Variants in LSAMP observed in about 807,000 individuals in gnomAD.
The protein encoded by LSAMP is limbic system-associated membrane protein.
Under a neutral mutation model 38.6 loss-of-function variants are expected in LSAMP, and 7 were observed. The observed-to-expected ratio is 0.18, with a 90% CI of 0.10 to 0.34. The LOEUF (loss-of-function observed/expected upper bound fraction) is 0.34. LSAMP is among the 10% of genes least tolerant of loss of function. The pLI is 1.00. For missense variants in LSAMP, 313 were observed against 420.0 expected (o/e 0.75, Z 2.23); for synonymous variants, 154 against 166.8 (o/e 0.92, Z 0.59).
intron 6 of LSAMP, among the ~76,000 whole-genome samples, chr3:115,814,498 G>T (rs1220095067): frequency 6.6e-6 from 1 of 152,170 alleles, no homozygotes; most frequent in Non-Finnish European, 1.5e-5. Context: ...AAAGGACCAG[G>T]TGATTTTTCA....
chr3:116,149,684 G>A (rs1461112), intron 1 of LSAMP, among the ~76,000 whole-genome samples: 37,078 of 151,828 alleles, frequency 0.24, 4,574 homozygotes, highest in Admixed American at 0.28. Context: ...ATTACAGACA[G>A]CATTCAATGG....
chr3:115,824,696 C>A (rs1372274893), intron 6 of LSAMP, among the ~76,000 whole-genome samples: 2 of 142,776 alleles, frequency 1.4e-5, no homozygotes, highest in Non-Finnish European at 3.0e-5. Flanking sequence ...GGTGACAGGG[C>A]GAGACTCCGT....
intron 1 of LSAMP, among the ~76,000 whole-genome samples, chr3:116,157,917 G>A (rs1407923171): frequency 6.6e-6 from 1 of 152,024 alleles, no homozygotes; most frequent in African/African-American, 2.4e-5. Context: ...GAAAACTTCA[G>A]GTCAATATTC....
chr3:116,028,358 T>G (rs1373991890), intron 2 of LSAMP, among the ~76,000 whole-genome samples: 1 of 152,150 alleles, frequency 6.6e-6, no homozygotes, highest in Non-Finnish European at 1.5e-5. Flanking sequence ...CACAGTGTAC[T>G]AGATTGAGAG....
intron 3 of LSAMP, among the ~76,000 whole-genome samples, chr3:115,997,744 A>G (rs1490058683): frequency 2.9e-5 from 4 of 138,718 alleles, no homozygotes; most frequent in Admixed American, 2.2e-4. Context: ...ATATATATAT[A>G]TATATATATA....
chr3:116,286,089 C>CTA (rs1553721216), intron 1 of LSAMP, among the ~76,000 whole-genome samples: 1 of 152,174 alleles, frequency 6.6e-6, no homozygotes, highest in Non-Finnish European at 1.5e-5. Flanking sequence ...CCTGGACTAA[C>CTA]TAACTTTGAA....
intron 2 of LSAMP, among the ~76,000 whole-genome samples, chr3:116,071,013 C>T (rs994100573): frequency 1.3e-5 from 2 of 151,258 alleles, no homozygotes; most frequent in Non-Finnish European, 2.9e-5. Context: ...GCACTCCAGC[C>T]TGGGCAACAA....
intron 1 of LSAMP, among the ~76,000 whole-genome samples, chr3:116,293,406 CT>C (rs35842496): frequency 3.3e-5 from 5 of 151,956 alleles, no homozygotes; most frequent in African/African-American, 1.2e-4. Flanking sequence ...TCATTAAATA[CT>C]TTTTTTTAAA....
chr3:116,139,909 G>C (rs1035095161), intron 1 of LSAMP, among the ~76,000 whole-genome samples: 1 of 151,954 alleles, frequency 6.6e-6, no homozygotes, highest in Non-Finnish European at 1.5e-5. Flanking sequence ...GGTTCTTGTA[G>C]AATTTATGGC....
chr3:116,052,570 T>C (rs1941415746), intron 2 of LSAMP, among the ~76,000 whole-genome samples: 1 of 152,156 alleles, frequency 6.6e-6, no homozygotes, highest in South Asian at 2.1e-4. Flanking sequence ...GTAAGCACCG[T>C]CCCCGTGAGG....
At chr3:116,151,466 G>A (rs925869611) in intron 1 of LSAMP, among the ~76,000 whole-genome samples, 5 of 152,038 alleles carry the variant, frequency 3.3e-5, no homozygotes, top group African/African-American at 1.2e-4. Context: ...TTGTTGTGGT[G>A]AGTGAACATA....
intron 1 of LSAMP, among the ~76,000 whole-genome samples, chr3:116,389,157 A>G (rs1427276281): frequency 6.6e-6 from 1 of 152,170 alleles, no homozygotes; most frequent in East Asian, 1.9e-4. Context: ...GGCCAAGACA[A>G]TCTGCTTTTT....
At chr3:115,824,019 A>T (rs974013609) in intron 6 of LSAMP, among the ~76,000 whole-genome samples, 1 of 152,228 alleles carries the variant, frequency 6.6e-6, no homozygotes, top group Admixed American at 6.5e-5. Context: ...CTCAACATAA[A>T]GAGAATGCTT....
intron 1 of LSAMP, among the ~76,000 whole-genome samples, chr3:116,111,074 G>A (rs1345248234): frequency 1.3e-5 from 2 of 152,176 alleles, no homozygotes; most frequent in Admixed American, 6.5e-5. Context: ...TTAAGGTGGG[G>A]CAGGAACAAA....
rs72945905 is a variant in LSAMP, at chr3:116,190,325, C to T, written c.156-103769G>A. Among the ~76,000 whole-genome samples, 262 of 152,172 alleles carry T rather than the reference C, an allele frequency of 1.7e-3. 2 individuals carry two copies. The highest frequency in any genetic ancestry group is 5.9e-3 in the African/African-American group (247 of 41,514). On this transcript the variant is annotated intron_variant, in intron 1 of 6. Transcript: ENST00000490035. Reference sequence around the variant, plus strand: ...TCCCCCCTTTTTATTAGACGCAGCCCAGAGATAAAACCTTCAAGTTATGAG... The same window carrying T: ...TCCCCCCTTTTTATTAGACGCAGCCTAGAGATAAAACCTTCAAGTTATGAG...
chr3:116,019,705 A>T (rs1366804626), intron 2 of LSAMP, 65 bp from the exon 3 acceptor site: 3 of 1,555,002 alleles, frequency 1.9e-6, no homozygotes, highest in Non-Finnish European at 2.6e-6. Context: ...TAGCCATACA[A>T]CTGGAAGTGG....
chr3:115,905,298 G>A (rs1258234131), intron 3 of LSAMP, among the ~76,000 whole-genome samples: 1 of 151,936 alleles, frequency 6.6e-6, no homozygotes, highest in Non-Finnish European at 1.5e-5. Context: ...TCTCTCCTAG[G>A]TACTTTCAAA....
At position 116,261,389 on chromosome 3, in the gene LSAMP, A is replaced by G. The variant is rs1212806235; in HGVS notation, c.156-174833T>C. Among the ~76,000 whole-genome samples, 5 of 152,166 alleles carry G rather than the reference A, an allele frequency of 3.3e-5. No individual in the cohort carries two copies. The East Asian group carries it at 7.7e-4, about 23-fold the overall frequency. Reference sequence around the variant, plus strand: ...TACAGGTTTCCTGTTCCATAATAGCATGTGTCTGTTGGGCCAGTGCTCTTA... The same window carrying G: ...TACAGGTTTCCTGTTCCATAATAGCGTGTGTCTGTTGGGCCAGTGCTCTTA... On this transcript the variant is annotated intron_variant, in intron 1 of 6. Coordinates refer to ENST00000490035, the MANE Select transcript of LSAMP (RefSeq NM_002338.5).
chr3:116,409,123 A>G (rs78437597), intron 1 of LSAMP, among the ~76,000 whole-genome samples: 3,969 of 152,116 alleles, frequency 0.026, 66 homozygotes, highest in Middle Eastern at 0.044. Flanking sequence ...GATTTCTTGA[A>G]TGAGAGAGGG....
Sources: gnomAD v4.1 joint callset for allele counts (sites outside exome capture counted in the v4.1 genomes callset) on GRCh38, gnomAD v4.1.1 for gene constraint, MANE v1.5 for transcripts, NCBI Gene and HGNC (gene_info 2026-07-23, HGNC 2026-07-21) for gene names.